Variants in RSF1 observed in about 807,000 individuals in gnomAD.
The protein encoded by RSF1 is remodeling and spacing factor 1.
In RSF1, 13 loss-of-function variants were observed where a neutral mutation model predicts 145.2. The observed-to-expected ratio is 0.09, with a 90% CI of 0.06 to 0.14. The LOEUF is 0.14. Among genes scored for constraint, RSF1 ranks in the 10% least tolerant of loss-of-function variants. The pLI, the probability that RSF1 is intolerant of heterozygous loss-of-function variation, is 1.00. For synonymous variants in RSF1, 577 were observed against 592.6 expected (o/e 0.97, Z 0.38); for missense variants, 1,517 against 1,718.2 (o/e 0.88, Z 2.07).
intron 3 of RSF1, 138 bp downstream of exon 3, chr11:77,746,898 T>C: frequency 3.8e-6 from 2 of 531,846 alleles, no homozygotes; most frequent in Non-Finnish European, 6.7e-6. Flanking sequence ...AAGAATAGAT[T>C]GTCACTAAAA....
intron 15 of RSF1, among the ~76,000 whole-genome samples, chr11:77,671,615 G>A (rs900598922): frequency 6.8e-6 from 1 of 147,976 alleles, no homozygotes; most frequent in African/African-American, 2.5e-5. Context: ...TTATCTCAAA[G>A]ATACTACTGG....
chr11:77,741,745 T>C (rs11600998), intron 3 of RSF1, among the ~76,000 whole-genome samples: 18,096 of 152,068 alleles, frequency 0.12, 1,338 homozygotes, highest in Non-Finnish European at 0.17. Context: ...TCAAATATAT[T>C]ATATATTGTT....
intron 5 of RSF1, among the ~76,000 whole-genome samples, chr11:77,704,999 C>G (rs1014779409): frequency 6.6e-6 from 1 of 152,140 alleles, no homozygotes; most frequent in East Asian, 1.9e-4. Context: ...GATCCGCCCA[C>G]CTTGGCCTCC....
At chr11:77,674,597 G>A (rs550167981) in intron 14 of RSF1, among the ~76,000 whole-genome samples, 14 of 152,332 alleles carry the variant, frequency 9.2e-5, no homozygotes, top group East Asian at 1.9e-4. Context: ...TGAAGTTAAC[G>A]TATCAATCAG....
chr11:77,829,798 TC>T, the RSF1 span: 1 of 152,132 alleles, frequency 6.6e-6, no homozygotes, highest in Non-Finnish European at 1.5e-5. Flanking sequence ...AAAACATGTA[TC>T]AAAAAGTCAA....
intron 1 of RSF1, among the ~76,000 whole-genome samples, chr11:77,771,307 C>T (rs1197510314): frequency 6.6e-6 from 1 of 152,152 alleles, no homozygotes; most frequent in Non-Finnish European, 1.5e-5. Context: ...ATGTGACACA[C>T]GGTTAAAACC....
the RSF1 span, among the ~76,000 whole-genome samples, chr11:77,848,889 G>A: frequency 7.9e-5 from 12 of 152,112 alleles, no homozygotes; most frequent in Non-Finnish European, 7.3e-5. Flanking sequence ...AGATTCAAGC[G>A]ATCCTCCAGC....
At chr11:77,842,593 A>G in the RSF1 span, 2 of 1,613,994 alleles carry the variant, frequency 1.2e-6, no homozygotes, top group Non-Finnish European at 8.5e-7. Context: ...GCCAGGGGGT[A>G]GTCGGACTTG....
chr11:77,775,209 T>G (rs1233528044), intron 1 of RSF1, among the ~76,000 whole-genome samples: 2 of 151,260 alleles, frequency 1.3e-5, no homozygotes, highest in African/African-American at 4.9e-5. Context: ...GATTGCACCT[T>G]TGCATTCCAG....
chr11:77,812,884 C>CA (rs71046910), intron 1 of RSF1, among the ~76,000 whole-genome samples: 1,237 of 110,506 alleles, frequency 0.011, 30 homozygotes, highest in East Asian at 0.098. Flanking sequence ...AGCTCCATCT[C>CA]AAAAAAAAAA....
At chr11:77,865,258 C>T in the RSF1 span, among the ~76,000 whole-genome samples, 1 of 152,298 alleles carries the variant, frequency 6.6e-6, no homozygotes, top group South Asian at 2.1e-4. Context: ...TCTCAAAATT[C>T]AGTAGCATAA....
chr11:77,663,462 A>AT lies in RSF1; in HGVS notation c.*3454dup, dbSNP rs757332179. 3.2e-4 allele frequency: 48 copies of AT among 152,142 alleles called. No homozygotes were observed. Among genetic ancestry groups the AT allele is most frequent in the Non-Finnish European group, 6.3e-4 (43 of 68,000 alleles). 9.4% of individuals were successfully genotyped at this position (152,142 alleles called of 1,614,324 possible). ...TTTAAAATTAATTTGTTTAAAAATTATTTTTCAAAAGCTTCATTAGCATTT... is the reference window on the plus strand; with the variant it reads ...TTTAAAATTAATTTGTTTAAAAATTATTTTTTCAAAAGCTTCATTAGCATTT... On this transcript the variant is annotated 3_prime_UTR_variant, in exon 16 of 16. Coordinates refer to ENST00000308488, the MANE Select transcript of RSF1 (RefSeq NM_016578.4).
intron 4 of RSF1, among the ~76,000 whole-genome samples, chr11:77,730,628 T>C (rs938491833): frequency 1.3e-5 from 2 of 152,230 alleles, no homozygotes; most frequent in African/African-American, 4.8e-5. Context: ...AAATCTCATC[T>C]TGAATTGTAA....
At chr11:77,846,858 A>G in the RSF1 span, among the ~76,000 whole-genome samples, 1 of 152,140 alleles carries the variant, frequency 6.6e-6, no homozygotes, top group Non-Finnish European at 1.5e-5. Flanking sequence ...CTTTATTTGT[A>G]GGAACCCTGA....
chr11:77,684,070 G>C (rs1016235865), intron 10 of RSF1, among the ~76,000 whole-genome samples: 1 of 152,148 alleles, frequency 6.6e-6, no homozygotes, highest in Non-Finnish European at 1.5e-5. Flanking sequence ...ACCAGTACTT[G>C]TTTTAAAACA....
At chr11:77,832,616 G>A in the RSF1 span, among the ~76,000 whole-genome samples, 6 of 151,624 alleles carry the variant, frequency 4.0e-5, no homozygotes, top group Non-Finnish European at 8.8e-5. Context: ...ATGAGCCACC[G>A]CGCCTGGCCA....
intron 1 of RSF1, among the ~76,000 whole-genome samples, chr11:77,771,641 G>A (rs1948286948): frequency 6.6e-6 from 1 of 152,152 alleles, no homozygotes; most frequent in African/African-American, 2.4e-5. Flanking sequence ...AAATAATCTA[G>A]GCGGCAGGAA....
chr11:77,851,155 A>G, the RSF1 span, among the ~76,000 whole-genome samples: 1 of 152,052 alleles, frequency 6.6e-6, no homozygotes, highest in Non-Finnish European at 1.5e-5. Context: ...GGGTTTCACC[A>G]TCTTGGCCAG....
intron 5 of RSF1, among the ~76,000 whole-genome samples, chr11:77,713,753 T>C (rs2135870523): frequency 6.6e-6 from 1 of 152,328 alleles, no homozygotes; most frequent in South Asian, 2.1e-4. Context: ...CATTAATTCT[T>C]ATGTTTGTTG....
Sources: allele counts gnomAD v4.1 joint callset (sites outside exome capture counted in the v4.1 genomes callset), GRCh38; gene constraint gnomAD v4.1.1; transcripts MANE v1.5; gene names NCBI Gene and HGNC (gene_info 2026-07-23, HGNC 2026-07-21).